LAMA1: variants seen among roughly 807,000 people sequenced by gnomAD.
The protein encoded by LAMA1 is laminin subunit alpha 1.
Under a neutral mutation model 348.7 loss-of-function variants are expected in LAMA1, and 219 were observed. The ratio of observed to expected loss-of-function variants is 0.63; its 90% CI spans 0.56 to 0.70. The LOEUF (loss-of-function observed/expected upper bound fraction) is 0.70. Among genes scored for constraint, LAMA1 ranks in the 30% least tolerant of loss-of-function variants. The probability of loss-of-function intolerance (pLI) is 0.00; values close to 1 mark genes in which losing one functional copy is unlikely to be tolerated. For missense variants in LAMA1, 3,744 were observed against 3,888.0 expected (o/e 0.96, Z 0.99); for synonymous variants, 1,487 against 1,491.0 (o/e 1.00, Z 0.06).
In LAMA1 at chr18:7,016,560, C is replaced by A; in HGVS notation, c.2920G>T (p.Gly974Cys). 6.2e-7 allele frequency: 1 copy of A among 1,614,160 alleles called. No homozygotes were observed. The highest frequency in any genetic ancestry group is 8.5e-7 in the Non-Finnish European group (1 of 1,180,022). ...CTGTCACACCTTTTCCCTGCCACAC[C>A]TGGGACACAGTGACACTGGCCTTCA... ...TDEGQCHCVP[G>C]VAGKRCDRCA... is the part of the protein sequence containing the mutation. The change falls in exon 21 of 63, where the codon GGT becomes TGT. Residue 974 changes from glycine (G) to cysteine (C), a missense_variant. Physicochemically the swap from Gly to Cys is radical, Grantham distance 159. Coordinates refer to ENST00000389658, the MANE Select transcript of LAMA1 (RefSeq NM_005559.4).
chr18:6,977,890 T>C lies in LAMA1; in HGVS notation c.6191-9A>G, dbSNP rs774742099. ...TCTTCCAGCCAACAGAGCTAACAAA[T>C]ACAAGAAGGCAAGGGGTGGCAAGAA... On this transcript the variant is annotated splice_polypyrimidine_tract_variant and intron_variant, in intron 43 of 62. Transcript: ENST00000389658. The C allele has an allele frequency of 3.1e-6, 5 of 1,609,876 alleles. No homozygotes were observed. The highest frequency in any genetic ancestry group is 4.2e-6 in the Non-Finnish European group (5 of 1,179,958).
At chr18:6,994,603 GT>G (rs1444970369) in intron 34 of LAMA1, among the ~76,000 whole-genome samples, 1 of 151,794 alleles carries the variant, frequency 6.6e-6, no homozygotes, top group African/African-American at 2.4e-5. Context: ...CTAGGGTGAT[GT>G]TTGTGTATGT....
At chr18:6,990,499 G>T (rs974593993) in intron 36 of LAMA1, among the ~76,000 whole-genome samples, 3 of 152,184 alleles carry the variant, frequency 2.0e-5, no homozygotes, top group African/African-American at 7.2e-5. Context: ...CCTCCAGGGT[G>T]GGCAGGTCCT....
chr18:7,067,446 T>G (rs2058126913), intron 3 of LAMA1, among the ~76,000 whole-genome samples: 1 of 148,550 alleles, frequency 6.7e-6, no homozygotes, highest in African/African-American at 2.5e-5. Context: ...AGAAGTCATC[T>G]CACAGGCAAA....
rs766306421 is a variant in LAMA1, at chr18:6,992,572, G to A, written c.5157C>T (p.Thr1719=). The part of the protein sequence containing the change: ...RDFTQLHQNA[T]LELKAAEDLL... The stretch of plus-strand genomic sequence containing the variant: ...AATTAGAAACTTACTTGAGTTCAAG[G>A]GTGGCATTTTGGTGCAACTGTGTGA... The change falls in exon 36 of 63, where the codon ACC becomes ACT. Residue 1719 remains threonine (T), a synonymous_variant. Transcript: ENST00000389658. The A allele has an allele frequency of 1.9e-6, 3 of 1,614,088 alleles. No individual in the cohort carries two copies. Among genetic ancestry groups the A allele is most frequent in the Non-Finnish European group, 2.5e-6 (3 of 1,180,004 alleles).
At position 7,028,805 on chromosome 18, in the gene LAMA1, G is replaced by C. The variant is rs534597140; in HGVS notation, c.2275-2699C>G. On this transcript the variant is annotated intron_variant, in intron 16 of 62. Coordinates refer to ENST00000389658, the MANE Select transcript of LAMA1 (RefSeq NM_005559.4). ...GGGGAGGGGTGCGGAGGTCGGCACT[G>C]GGGCCAGGACCAGGCAGCACTGACC... is the stretch of plus-strand genomic sequence containing the variant. 1.3e-4 allele frequency among the ~76,000 whole-genome samples: 20 copies of C among 152,324 alleles called. No individual in the cohort carries two copies. The South Asian group carries it at 4.1e-3, about 32-fold the overall frequency.
At chr18:7,017,832 AAT>A (rs1186654329) in intron 19 of LAMA1, among the ~76,000 whole-genome samples, 1 of 152,180 alleles carries the variant, frequency 6.6e-6, no homozygotes, top group African/African-American at 2.4e-5. Flanking sequence ...TTTAATGAAA[AAT>A]ATCTTTTCAT....
chr18:7,062,079 ACTGAGCAT>A (rs2058104235), intron 3 of LAMA1, among the ~76,000 whole-genome samples: 2 of 152,180 alleles, frequency 1.3e-5, no homozygotes, highest in Admixed American at 1.3e-4. Context: ...GTCATCATTA[ACTGAGCAT>A]CTGCTTTGTC....
intron 36 of LAMA1, among the ~76,000 whole-genome samples, chr18:6,990,442 G>A (rs749842938): frequency 1.3e-5 from 2 of 152,106 alleles, no homozygotes; most frequent in Non-Finnish European, 2.9e-5. Flanking sequence ...TCAGATGTGT[G>A]GGGGGCTGAG....
intron 3 of LAMA1, among the ~76,000 whole-genome samples, chr18:7,070,234 G>A (rs559433702): frequency 2.6e-5 from 4 of 152,226 alleles, no homozygotes; most frequent in Middle Eastern, 3.4e-3. Flanking sequence ...AATTGGTGGA[G>A]GCCAGTATGA....
intron 3 of LAMA1, among the ~76,000 whole-genome samples, chr18:7,071,062 C>A (rs2058143989): frequency 6.6e-6 from 1 of 152,096 alleles, no homozygotes; most frequent in Admixed American, 6.6e-5. Flanking sequence ...TGAACACTCC[C>A]AACATCAAGA....
At chr18:6,945,889 C>T (rs8084715) in intron 61 of LAMA1, among the ~76,000 whole-genome samples, 2,404 of 152,114 alleles carry the variant, frequency 0.016, 57 homozygotes, top group African/African-American at 0.055. Flanking sequence ...ACTAGAGAGC[C>T]CACAGAAAGG....
At chr18:7,069,817 C>T (rs2143762643) in intron 3 of LAMA1, among the ~76,000 whole-genome samples, 1 of 152,106 alleles carries the variant, frequency 6.6e-6, no homozygotes, top group Admixed American at 6.5e-5. Flanking sequence ...CTCCAGCTGC[C>T]CCAGAGAACC....
In LAMA1 at chr18:7,034,670, G is replaced by A. The variant is rs1239952637; in HGVS notation, c.1860C>T (p.Ser620=). The part of the protein sequence containing the change: ...VIIKGNGLTL[S]TQAEGLSLQP... The stretch of plus-strand genomic sequence containing the variant: ...GCAATGACAGACCCTCAGCCTGTGT[G>A]CTTAAAGTGAGTCCGTTTCCCTAAC... Residue 620 remains serine (S), a synonymous_variant, in exon 14 of 63, where the codon AGC becomes AGT. Coordinates refer to ENST00000389658, the MANE Select transcript of LAMA1 (RefSeq NM_005559.4). 6.2e-7 allele frequency: 1 copy of A among 1,613,878 alleles called. No individual in the cohort carries two copies.
intron 33 of LAMA1, 150 bp from the exon 34 acceptor site, chr18:6,995,596 C>G: frequency 1.5e-6 from 1 of 654,312 alleles, no homozygotes; most frequent in Non-Finnish European, 2.7e-6. Flanking sequence ...ATCACATTTA[C>G]TTAGGTTTCG....
Position 7,037,750 on chromosome 18 carries a change from A to G in LAMA1, c.1565T>C (p.Val522Ala). The G allele has an allele frequency of 6.2e-7, 1 of 1,614,164 alleles. No homozygotes were observed. The highest frequency in any genetic ancestry group is 8.5e-7 in the Non-Finnish European group (1 of 1,180,014). Residue 522 changes from valine (V) to alanine (A), a missense_variant and splice_region_variant, in exon 12 of 63, where the codon GTA becomes GCA. Physicochemically the swap from Val to Ala is moderately conservative, Grantham distance 64. This residue lies in a region of LAMA1 where 1,529 missense variants were observed against 1,689.4 expected (regional missense o/e 0.91). Transcript: ENST00000389658. ...GACCAGCCACCCGGACATACTGTTT[A>G]CCTTAAAAACAAATTCAAGAATTTT... ...CSSLSWPVGQ[V>A]NSMSGWLVTD...
chr18:6,996,305 C>G (rs2057781000), intron 33 of LAMA1, among the ~76,000 whole-genome samples: 1 of 152,110 alleles, frequency 6.6e-6, no homozygotes, highest in Non-Finnish European at 1.5e-5. Flanking sequence ...CCAGCGCACA[C>G]ATAAACACAC....
intron 10 of LAMA1, 141 bp from the exon 11 acceptor site, chr18:7,039,091 G>A: frequency 2.6e-6 from 2 of 756,234 alleles, no homozygotes; most frequent in Non-Finnish European, 4.7e-6. Flanking sequence ...GCCTCATAAA[G>A]TCAATATTTC....
At position 6,965,370 on chromosome 18, in the gene LAMA1, T is replaced by C. The variant is rs770284480; in HGVS notation, c.7113A>G (p.Ser2371=). 6.2e-6 allele frequency: 10 copies of C among 1,614,092 alleles called. No homozygotes were observed. Among genetic ancestry groups the C allele is most frequent in the South Asian group, 1.1e-5 (1 of 91,092 alleles). Residue 2371 remains serine, a synonymous_variant, in exon 50 of 63, where the codon TCA becomes TCG. Coordinates refer to ENST00000389658, the MANE Select transcript of LAMA1 (RefSeq NM_005559.4). The part of the protein sequence containing the change: ...GRVKVMTDLG[S]GPITLLTDRR... Reference sequence around the variant, plus strand: ...TGTCTGTCAAAAGGGTAATGGGTCCTGAACCCAGGTCAGTCATAACCTTCA... The same window carrying C: ...TGTCTGTCAAAAGGGTAATGGGTCCCGAACCCAGGTCAGTCATAACCTTCA...
Sources: allele counts gnomAD v4.1 joint callset (sites outside exome capture counted in the v4.1 genomes callset), GRCh38; gene constraint gnomAD v4.1.1; regional missense constraint gnomAD v4.1.1; transcripts MANE v1.5; gene names NCBI Gene and HGNC (gene_info 2026-07-23, HGNC 2026-07-21).